The following TMEM45B variants were observed in gnomAD, a reference collection of about 807,000 sequenced individuals.
The protein encoded by TMEM45B is transmembrane protein 45B.
TMEM45B carries 29 observed loss-of-function variants against 27.3 expected under a neutral mutation model. The observed-to-expected ratio is 1.06, with a 90% confidence interval of 0.79 to 1.45. TMEM45B has a LOEUF of 1.45. Ranked by LOEUF, TMEM45B falls within the 40% of genes most tolerant of loss-of-function variation. TMEM45B has a pLI of 0.00. For missense variants in TMEM45B, 348 were observed against 343.9 expected (o/e 1.01, Z -0.09); for synonymous variants, 143 against 134.7 (o/e 1.06, Z -0.43).
chr11:129,848,846 A>G lies in TMEM45B; in HGVS notation c.-8-3629A>G, dbSNP rs1457488279. ...TGTCTGTTGAAGGCTGTAGCCTCAC[A>G]TGGCAGAAAGGGCAAAAAAGGGAAG... is the stretch of plus-strand genomic sequence containing the variant. On this transcript the variant is annotated intron_variant, in intron 1 of 5. Transcript: ENST00000281441. Among the ~76,000 whole-genome samples, 7 of 152,172 alleles carry G rather than the reference A, an allele frequency of 4.6e-5. No homozygotes were observed. In the South Asian group the frequency reaches 1.2e-3, roughly 27 times the overall value.
At chr11:129,854,515 A>C in intron 2 of TMEM45B, 95 bp from the exon 3 acceptor site, 1 of 1,303,268 alleles carries the variant, frequency 7.7e-7, no homozygotes, top group South Asian at 1.3e-5. Context: ...ACCTCACCCC[A>C]TCTCCGCTTC....
At chr11:129,857,686 C>T (rs549169604) in intron 5 of TMEM45B, among the ~76,000 whole-genome samples, 1 of 152,306 alleles carries the variant, frequency 6.6e-6, no homozygotes, top group South Asian at 2.1e-4. Flanking sequence ...ACCCAGGTTT[C>T]AAATGCAGGT....
intron 1 of TMEM45B, among the ~76,000 whole-genome samples, chr11:129,846,479 A>AG (rs1947762572): frequency 6.8e-6 from 1 of 147,828 alleles, no homozygotes; most frequent in African/African-American, 2.5e-5. Flanking sequence ...AAAAAAAAAA[A>AG]GTGTTAGAGA....
chr11:129,826,343 A>G (rs1947478677), intron 1 of TMEM45B, among the ~76,000 whole-genome samples: 1 of 151,828 alleles, frequency 6.6e-6, no homozygotes, highest in South Asian at 2.1e-4. Context: ...AGGTCAGGAG[A>G]TCGAGACCAT....
chr11:129,848,264 A>G (rs557858494), intron 1 of TMEM45B, among the ~76,000 whole-genome samples: 53 of 152,268 alleles, frequency 3.5e-4, no homozygotes, highest in South Asian at 4.1e-4. Context: ...CAATCCCGGC[A>G]CCTCGGGAGG....
intron 1 of TMEM45B, among the ~76,000 whole-genome samples, chr11:129,836,110 C>T (rs1947616242): frequency 6.6e-6 from 1 of 151,882 alleles, no homozygotes; most frequent in Admixed American, 6.6e-5. Flanking sequence ...AAGGGTGAAA[C>T]TCCATTTCAA....
chr11:129,823,015 A>AT (rs1565362283), intron 1 of TMEM45B, among the ~76,000 whole-genome samples: 2 of 151,766 alleles, frequency 1.3e-5, no homozygotes, highest in African/African-American at 4.8e-5. Context: ...TAATTTTTGT[A>AT]TTTTTAGTAG....
At chr11:129,857,253 G>A (rs55962420) in intron 4 of TMEM45B, 60 bp from the exon 5 acceptor site, 256,579 of 1,595,934 alleles carry the variant, frequency 0.16, 22,058 homozygotes, top group South Asian at 0.26. Context: ...ACAGGAGAAC[G>A]GCTAGATTGC....
At chr11:129,818,273 T>C (rs691161) in intron 1 of TMEM45B, among the ~76,000 whole-genome samples, 143,590 of 152,306 alleles carry the variant, frequency 0.94, 67,733 homozygotes, top group East Asian at 1. Context: ...CAAGCTACAC[T>C]ACTGGAGGAA....
rs528663197 is a variant in TMEM45B, at chr11:129,842,923, T to C, written c.-8-9552T>C. On this transcript the variant is annotated intron_variant, in intron 1 of 5. Transcript: ENST00000281441. ...GCAATAAGGAGCTAAATCCAAAATA[T>C]ACAAGAAACTCTTACTACTCAATAG... Among the ~76,000 whole-genome samples, 282 of 152,318 alleles carry C rather than the reference T, an allele frequency of 1.9e-3. 1 individual carries two copies. Among genetic ancestry groups the C allele is most frequent in the African/African-American group, 6.4e-3 (266 of 41,556 alleles).
chr11:129,826,506 G>A (rs918922578), intron 1 of TMEM45B, among the ~76,000 whole-genome samples: 10 of 132,794 alleles, frequency 7.5e-5, no homozygotes, highest in African/African-American at 1.7e-4. Flanking sequence ...CCGAGATGGC[G>A]CCACTGCACT....
At chr11:129,825,722 G>A (rs1237588966) in intron 1 of TMEM45B, among the ~76,000 whole-genome samples, 1 of 152,160 alleles carries the variant, frequency 6.6e-6, no homozygotes, top group Non-Finnish European at 1.5e-5. Flanking sequence ...CCCACTGGTA[G>A]TGGATGCTGA....
At chr11:129,834,825 AAAAAAGAG>A (rs1325353594) in intron 1 of TMEM45B, among the ~76,000 whole-genome samples, 72 of 152,114 alleles carry the variant, frequency 4.7e-4, no homozygotes, top group Non-Finnish European at 5.7e-4. Flanking sequence ...AAAAAAAAAA[AAAAAAGAG>A]AGAGAAACAT....
At chr11:129,850,941 G>A (rs757083025) in intron 1 of TMEM45B, among the ~76,000 whole-genome samples, 7 of 152,114 alleles carry the variant, frequency 4.6e-5, no homozygotes, top group Non-Finnish European at 7.4e-5. Context: ...TTACATATTT[G>A]TTATAACCCC....
At chr11:129,845,946 G>A (rs1947755128) in intron 1 of TMEM45B, among the ~76,000 whole-genome samples, 2 of 152,174 alleles carry the variant, frequency 1.3e-5, no homozygotes, top group South Asian at 4.1e-4. Flanking sequence ...GTAAGATGGT[G>A]CAGAATGCCC....
intron 1 of TMEM45B, among the ~76,000 whole-genome samples, chr11:129,848,871 G>C (rs1382236000): frequency 2.6e-5 from 4 of 152,140 alleles, no homozygotes; most frequent in Non-Finnish European, 5.9e-5. Flanking sequence ...AAAAAGGGAA[G>C]CAACTCCCTC....
At chr11:129,853,828 AC>A (rs1565373452) in intron 2 of TMEM45B, among the ~76,000 whole-genome samples, 2 of 152,216 alleles carry the variant, frequency 1.3e-5, no homozygotes, top group African/African-American at 4.8e-5. Flanking sequence ...TATCTGGGAA[AC>A]GGAGTCCAAA....
At position 129,855,675 on chromosome 11, in the gene TMEM45B, T is replaced by C. The variant is rs370586944; in HGVS notation, c.386-33T>C. On this transcript the variant is annotated intron_variant, in intron 3 of 5. Coordinates refer to ENST00000281441, the MANE Select transcript of TMEM45B (RefSeq NM_138788.5). The stretch of plus-strand genomic sequence containing the variant: ...CTTCGGTGATGGTGAAAGCCAAGCG[T>C]AGCCCTGACAGCTGCCATCTGGTTT... 62 of 1,612,806 alleles carry C rather than the reference T, an allele frequency of 3.8e-5. 1 individual carries two copies. In the African/African-American group the frequency reaches 6.5e-4, roughly 17 times the overall value.
intron 1 of TMEM45B, among the ~76,000 whole-genome samples, chr11:129,830,733 G>T (rs180781041): frequency 6.6e-6 from 1 of 152,260 alleles, no homozygotes; most frequent in East Asian, 1.9e-4. Flanking sequence ...TAATCATTAC[G>T]GAAACAAAAC....
Sources: gnomAD v4.1 joint callset for allele counts (sites outside exome capture counted in the v4.1 genomes callset) on GRCh38, gnomAD v4.1.1 for gene constraint, MANE v1.5 for transcripts, NCBI Gene and HGNC (gene_info 2026-07-23, HGNC 2026-07-21) for gene names.